Variants in DTNB observed in about 807,000 individuals in gnomAD.
The protein encoded by DTNB is DTN-B.
DTNB carries 63 observed loss-of-function variants against 90.7 expected under a neutral mutation model. The ratio of observed to expected loss-of-function variants is 0.69; its 90% CI spans 0.57 to 0.86. The LOEUF (loss-of-function observed/expected upper bound fraction) is 0.86. Ranked by LOEUF, DTNB falls within the 40% of genes least tolerant of loss-of-function variation. The pLI, the probability that DTNB is intolerant of heterozygous loss-of-function variation, is 0.00. For synonymous variants in DTNB, 277 were observed against 286.7 expected, an observed-to-expected ratio of 0.97 and a Z score of 0.34; for missense variants, 744 against 807.1, an observed-to-expected ratio of 0.92 and a Z score of 0.95.
chr2:25,661,904 C>T (rs2083251213), intron 1 of DTNB, among the ~76,000 whole-genome samples: 1 of 152,084 alleles, frequency 6.6e-6, no homozygotes, highest in South Asian at 2.1e-4. Flanking sequence ...CCTGTAATCC[C>T]AGTATTTTGG....
chr2:25,599,821 G>A (rs184527865), intron 5 of DTNB, among the ~76,000 whole-genome samples: 7 of 152,270 alleles, frequency 4.6e-5, no homozygotes, highest in South Asian at 2.1e-4. Flanking sequence ...CTGGTCAGGC[G>A]TGGTGGCTCA....
At chr2:25,564,036 G>GGA (rs1456242235) in intron 8 of DTNB, among the ~76,000 whole-genome samples, 1 of 152,052 alleles carries the variant, frequency 6.6e-6, no homozygotes, top group African/African-American at 2.4e-5. Flanking sequence ...TGAGTAGCTG[G>GGA]GACTACAGGC....
chr2:25,658,361 T>C (rs1421602597), intron 1 of DTNB, among the ~76,000 whole-genome samples: 1 of 152,132 alleles, frequency 6.6e-6, no homozygotes, highest in Non-Finnish European at 1.5e-5. Flanking sequence ...GTGAGAAACC[T>C]GGCAGTTTCT....
chr2:25,580,968 C>T (rs1258289393), intron 6 of DTNB, 142 bp from the exon 7 acceptor site: 1 of 626,384 alleles, frequency 1.6e-6, no homozygotes, highest in African/African-American at 1.9e-5. Flanking sequence ...TACATTACTA[C>T]AGACACTACT....
rs530329843 is a variant in DTNB at position 25,653,432 on chromosome 2, T to TA, written c.-1-772dup. 8.8e-3 allele frequency among the ~76,000 whole-genome samples: 1,220 copies of TA among 138,532 alleles called. 17 individuals carry two copies. The highest frequency in any genetic ancestry group is 0.024 in the African/African-American group (906 of 37,372). 90.9% of individuals were successfully genotyped at this position (138,532 alleles called of 152,430 possible). On this transcript the variant is annotated intron_variant, in intron 1 of 20. Coordinates refer to ENST00000406818, the MANE Select transcript of DTNB (RefSeq NM_021907.5). ...TAAGTCCAATTAAACGTTTTTTTTT[T>TA]AAAAAAAAAAAAAAGAAAGAAGGAA...
At chr2:25,462,742 C>T (rs1247568169) in intron 10 of DTNB, among the ~76,000 whole-genome samples, 1 of 151,182 alleles carries the variant, frequency 6.6e-6, no homozygotes, top group Non-Finnish European at 1.5e-5. Flanking sequence ...CTCGCTCTGT[C>T]GCCCAGACTG....
At chr2:25,593,585 AT>A (rs564839935) in intron 6 of DTNB, among the ~76,000 whole-genome samples, 17 of 151,614 alleles carry the variant, frequency 1.1e-4, no homozygotes, top group Admixed American at 3.3e-4. Flanking sequence ...ATGCAGATTG[AT>A]TTTTTTTTAC....
intron 8 of DTNB, among the ~76,000 whole-genome samples, chr2:25,558,952 G>C (rs779430561): frequency 2.0e-5 from 3 of 152,052 alleles, no homozygotes; most frequent in Non-Finnish European, 2.9e-5. Flanking sequence ...GAGAGTTTCA[G>C]AGCACTTCTC....
chr2:25,482,903 A>G, intron 9 of DTNB, 30 bp from the exon 10 acceptor site: 1 of 1,576,426 alleles, frequency 6.3e-7, no homozygotes, highest in Non-Finnish European at 8.6e-7. Flanking sequence ...CCTTATATTA[A>G]TAATGACCAA....
rs80078864 is a variant in DTNB at position 25,566,617 on chromosome 2, T to C, written c.876+10221A>G. Among the ~76,000 whole-genome samples the C allele has an allele frequency of 7.6e-3, 1,161 of 152,310 alleles. 18 individuals are homozygous for C. The highest frequency in any genetic ancestry group is 0.027 in the African/African-American group (1,109 of 41,570). ...GGTCTGGTTTTGATGATAAATTACA[T>C]GGTCACCCTAATAGTCAATCCCTAA... is the stretch of plus-strand genomic sequence containing the variant. On this transcript the variant is annotated intron_variant, in intron 8 of 20. Transcript: ENST00000406818.
rs375742868 is a variant in DTNB, at chr2:25,427,738, G to A, written c.1458-107C>T. 151 of 1,020,254 alleles carry A rather than the reference G, an allele frequency of 1.5e-4. 2 individuals carry two copies. The South Asian group carries it at 2.2e-3, about 15-fold the overall frequency. The allele number at this position is 1,020,254 out of a possible 1,614,324, so 63.2% of individuals were successfully genotyped here. On this transcript the variant is annotated intron_variant, in intron 14 of 20. Transcript: ENST00000406818. ...TCCTGCTACTTACCAGTTATGAGAC[G>A]CTGAGCAAGTCATTTAGCATCCAAT...
intron 15 of DTNB, among the ~76,000 whole-genome samples, chr2:25,425,059 T>G (rs1302984420): frequency 6.6e-6 from 1 of 152,240 alleles, no homozygotes; most frequent in Non-Finnish European, 1.5e-5. Context: ...AGGCCATGTA[T>G]GTTTAAGTAC....
intron 10 of DTNB, among the ~76,000 whole-genome samples, chr2:25,461,566 A>C (rs1319295531): frequency 6.6e-6 from 1 of 152,212 alleles, no homozygotes; most frequent in Non-Finnish European, 1.5e-5. Flanking sequence ...AAGAATTCCT[A>C]AACTGTCAAA....
intron 8 of DTNB, among the ~76,000 whole-genome samples, chr2:25,549,203 G>GAT (rs1371209198): frequency 2.6e-5 from 4 of 151,222 alleles, no homozygotes; most frequent in Admixed American, 6.6e-5. Flanking sequence ...TTTGATTACT[G>GAT]ATATATATAT....
intron 8 of DTNB, among the ~76,000 whole-genome samples, chr2:25,536,447 A>C (rs1369966855): frequency 1.3e-5 from 2 of 152,010 alleles, no homozygotes; most frequent in Non-Finnish European, 2.9e-5. Context: ...TCCGTCTGCA[A>C]TCCCAGCACC....
chr2:25,423,611 C>T (rs2050519648), intron 15 of DTNB, among the ~76,000 whole-genome samples: 1 of 152,040 alleles, frequency 6.6e-6, no homozygotes, highest in Admixed American at 6.6e-5. Context: ...GAATTAAATG[C>T]TAGCATACTG....
intron 3 of DTNB, among the ~76,000 whole-genome samples, chr2:25,633,618 G>A (rs2148771294): frequency 6.6e-6 from 1 of 151,994 alleles, no homozygotes; most frequent in East Asian, 1.9e-4. Context: ...TCTCTGCCTA[G>A]CCGCCCATCG....
intron 9 of DTNB, among the ~76,000 whole-genome samples, chr2:25,506,817 A>G (rs2072564231): frequency 6.6e-6 from 1 of 152,182 alleles, no homozygotes; most frequent in Non-Finnish European, 1.5e-5. Context: ...TTTAAGCACA[A>G]TTTTTTAGGA....
chr2:25,649,605 G>A (rs920900990), intron 2 of DTNB, among the ~76,000 whole-genome samples: 29 of 152,116 alleles, frequency 1.9e-4, no homozygotes, highest in Non-Finnish European at 8.8e-5. Context: ...TGTAGTCCCA[G>A]ATACTCAGAA....
Sources: gnomAD v4.1 joint callset for allele counts (sites outside exome capture counted in the v4.1 genomes callset) on GRCh38, gnomAD v4.1.1 for gene constraint, MANE v1.5 for transcripts, NCBI Gene and HGNC (gene_info 2026-07-23, HGNC 2026-07-21) for gene names.